LRRTM4: variants seen among roughly 807,000 people sequenced by gnomAD.
LRRTM4 encodes the protein leucine rich repeat transmembrane neuronal 4, also known as leucine-rich repeat transmembrane neuronal protein 4.
In LRRTM4, 25 loss-of-function variants were observed where a neutral mutation model predicts 47.6. The observed-to-expected ratio is 0.53, with a 90% CI of 0.38 to 0.73. The LOEUF (loss-of-function observed/expected upper bound fraction) is 0.73, where lower values mean the gene tolerates loss of function less well. Among genes scored for constraint, LRRTM4 ranks in the 30% least tolerant of loss-of-function variants. LRRTM4 has a pLI of 0.00. For synonymous variants in LRRTM4, 311 were observed against 269.5 expected (o/e 1.15, Z -1.51); for missense variants, 638 against 713.4 (o/e 0.89, Z 1.20).
chr2:76,837,671 G>A (rs2103919406), intron 3 of LRRTM4, among the ~76,000 whole-genome samples: 1 of 152,198 alleles, frequency 6.6e-6, no homozygotes, highest in East Asian at 1.9e-4. Context: ...CAATAGCAAA[G>A]ACTTGGAACC....
intron 3 of LRRTM4, among the ~76,000 whole-genome samples, chr2:77,046,790 C>T (rs11891271): frequency 5.9e-5 from 9 of 151,922 alleles, no homozygotes; most frequent in Admixed American, 2.0e-4. Context: ...CACTCACACA[C>T]GCACACAATT....
Position 77,281,881 on chromosome 2 carries a change from A to T in LRRTM4, c.1551+236437T>A, listed in dbSNP as rs570872134. On this transcript the variant is annotated intron_variant, in intron 3 of 3. Coordinates refer to ENST00000409884, the MANE Select transcript of LRRTM4 (RefSeq NM_001134745.3). ...TTTTCTGGCTTTTGGCATGCTACAT[A>T]AAAAAATTAAAATAAGACGCAGGTG... Among the ~76,000 whole-genome samples, 6 of 152,002 alleles carry T rather than the reference A, an allele frequency of 3.9e-5. No homozygotes were observed. The South Asian group carries it at 1.2e-3, about 32-fold the overall frequency.
intron 2 of LRRTM4, 134 bp downstream of exon 2, chr2:77,521,534 T>A: frequency 1.1e-6 from 1 of 948,142 alleles, no homozygotes; most frequent in East Asian, 2.4e-5. Flanking sequence ...GCAACTATAG[T>A]GAATCAACTG....
At chr2:77,148,977 G>A (rs560210457) in intron 3 of LRRTM4, among the ~76,000 whole-genome samples, 1 of 152,072 alleles carries the variant, frequency 6.6e-6, no homozygotes, top group Non-Finnish European at 1.5e-5. Context: ...CCTTAGTTAT[G>A]TAAATAGAAA....
At chr2:76,837,168 C>A (rs1671538148) in intron 3 of LRRTM4, among the ~76,000 whole-genome samples, 1 of 152,086 alleles carries the variant, frequency 6.6e-6, no homozygotes, top group African/African-American at 2.4e-5. Flanking sequence ...AGTTTATTTG[C>A]ATAGAGGTGT....
intron 3 of LRRTM4, among the ~76,000 whole-genome samples, chr2:77,151,440 T>C (rs148735498): frequency 1.9e-4 from 29 of 152,306 alleles, no homozygotes; most frequent in African/African-American, 6.7e-4. Context: ...AAATCCACTT[T>C]TGGTTATATT....
At chr2:77,380,177 A>G (rs1672996109) in intron 3 of LRRTM4, among the ~76,000 whole-genome samples, 1 of 152,170 alleles carries the variant, frequency 6.6e-6, no homozygotes. Flanking sequence ...CTATAATTAG[A>G]CTTAAATATA....
intron 3 of LRRTM4, among the ~76,000 whole-genome samples, chr2:77,034,613 G>A (rs1195022275): frequency 4.6e-5 from 7 of 151,874 alleles, no homozygotes; most frequent in East Asian, 1.9e-4. Flanking sequence ...GCAGTGTTAC[G>A]TATTCCTTTG....
Position 77,450,141 on chromosome 2 carries a change from C to G in LRRTM4, c.1551+68177G>C, listed in dbSNP as rs186944208. On this transcript the variant is annotated intron_variant, in intron 3 of 3. Transcript: ENST00000409884. ...ACTCATTGAAGCATTATTTAAAACA[C>G]TTTTAATATGATATTTATATGACAC... Among the ~76,000 whole-genome samples the G allele has an allele frequency of 3.9e-4, 59 of 152,170 alleles. 1 individual carries two copies. Among genetic ancestry groups the G allele is most frequent in the Middle Eastern group, 6.8e-3 (2 of 292 alleles).
chr2:77,137,475 C>T (rs113752660), intron 3 of LRRTM4, among the ~76,000 whole-genome samples: 9,663 of 151,718 alleles, frequency 0.064, 869 homozygotes, highest in East Asian at 0.18. Flanking sequence ...CTGAAGGAAG[C>T]GCTAAACATG....
intron 3 of LRRTM4, among the ~76,000 whole-genome samples, chr2:76,817,832 T>C (rs1670943288): frequency 6.6e-6 from 1 of 151,786 alleles, no homozygotes; most frequent in Admixed American, 6.6e-5. Context: ...GAGTAATGTC[T>C]TCTTGCTTAA....
chr2:77,317,672 AAT>A (rs1677655794), intron 3 of LRRTM4, among the ~76,000 whole-genome samples: 1 of 152,186 alleles, frequency 6.6e-6, no homozygotes, highest in Non-Finnish European at 1.5e-5. Flanking sequence ...GACTACAGTC[AAT>A]ATGGCCAGTG....
intron 3 of LRRTM4, among the ~76,000 whole-genome samples, chr2:77,019,109 TTGAA>T (rs1414106565): frequency 6.6e-6 from 1 of 152,024 alleles, no homozygotes; most frequent in Non-Finnish European, 1.5e-5. Flanking sequence ...GAAAAACTTC[TTGAA>T]TGAAATATGG....
At chr2:76,827,903 A>T (rs1318415136) in intron 3 of LRRTM4, among the ~76,000 whole-genome samples, 2 of 151,882 alleles carry the variant, frequency 1.3e-5, no homozygotes, top group African/African-American at 4.8e-5. Context: ...ACTGTTTCTA[A>T]AAACCATTGT....
intron 3 of LRRTM4, among the ~76,000 whole-genome samples, chr2:76,999,006 G>A (rs1677312116): frequency 6.6e-6 from 1 of 151,988 alleles, no homozygotes; most frequent in Admixed American, 6.6e-5. Flanking sequence ...CTAACTTAGA[G>A]AGCTGAGTGC....
chr2:77,233,715 G>A (rs1675028916), intron 3 of LRRTM4, among the ~76,000 whole-genome samples: 2 of 152,184 alleles, frequency 1.3e-5, no homozygotes, highest in African/African-American at 4.8e-5. Context: ...AACCTCAGAG[G>A]ATAGTTCCTA....
intron 3 of LRRTM4, among the ~76,000 whole-genome samples, chr2:77,224,222 A>C (rs1009375753): frequency 6.6e-6 from 1 of 151,992 alleles, no homozygotes; most frequent in African/African-American, 2.4e-5. Context: ...AGATGGATTA[A>C]AGACTTACAT....
intron 3 of LRRTM4, among the ~76,000 whole-genome samples, chr2:76,894,928 A>G (rs1673364739): frequency 6.6e-6 from 1 of 151,646 alleles, no homozygotes; most frequent in African/African-American, 2.4e-5. Flanking sequence ...CTCATTAATA[A>G]TTTATGCATT....
chr2:77,080,077 T>C (rs186655730), intron 3 of LRRTM4, among the ~76,000 whole-genome samples: 203 of 152,310 alleles, frequency 1.3e-3, no homozygotes, highest in African/African-American at 4.7e-3. Flanking sequence ...AACAGGACTT[T>C]AAAATTACTC....
Sources: allele counts gnomAD v4.1 joint callset (sites outside exome capture counted in the v4.1 genomes callset), GRCh38; gene constraint gnomAD v4.1.1; transcripts MANE v1.5; gene names NCBI Gene and HGNC (gene_info 2026-07-23, HGNC 2026-07-21).